Variants in CDH13 observed in about 807,000 individuals in gnomAD.
The protein encoded by CDH13 is cadherin 13, also known as cadherin-13.
Under a neutral mutation model 63.8 loss-of-function variants are expected in CDH13, and 24 were observed. The observed-to-expected ratio is 0.38, with a 90% CI of 0.27 to 0.53. The LOEUF (loss-of-function observed/expected upper bound fraction) is 0.53, where lower values mean the gene tolerates loss of function less well. CDH13 is among the 20% of genes least tolerant of loss of function. CDH13 has a pLI of 0.85. For missense variants in CDH13, 1,049 were observed against 903.1 expected (o/e 1.16, Z -2.07); for synonymous variants, 503 against 355.3 (o/e 1.42, Z -4.67).
At chr16:83,305,633 C>T (rs993180659) in intron 5 of CDH13, among the ~76,000 whole-genome samples, 3 of 152,156 alleles carry the variant, frequency 2.0e-5, no homozygotes, top group African/African-American at 7.2e-5. Flanking sequence ...GGAATACAGG[C>T]GACATGGCAT....
chr16:83,063,613 G>A (rs1211308383), intron 3 of CDH13, among the ~76,000 whole-genome samples: 1 of 152,168 alleles, frequency 6.6e-6, no homozygotes, highest in African/African-American at 2.4e-5. Flanking sequence ...TAGGGTGTCT[G>A]GATTAGGGAG....
intron 5 of CDH13, among the ~76,000 whole-genome samples, chr16:83,290,090 T>C (rs2089429324): frequency 6.6e-6 from 1 of 152,202 alleles, no homozygotes; most frequent in South Asian, 2.1e-4. Flanking sequence ...TACTCTTTTC[T>C]GTCACCTTCT....
At chr16:83,070,694 T>C (rs4783320) in intron 3 of CDH13, among the ~76,000 whole-genome samples, 54,315 of 151,934 alleles carry the variant, frequency 0.36, 10,408 homozygotes, top group East Asian at 0.49. Context: ...TTCAATTACA[T>C]TGAAGGGAAT....
intron 6 of CDH13, among the ~76,000 whole-genome samples, chr16:83,363,798 C>T (rs747959887): frequency 2.8e-4 from 42 of 152,040 alleles, no homozygotes; most frequent in Non-Finnish European, 4.7e-4. Flanking sequence ...GCTGAGTGGG[C>T]GTGCTCCTCC....
intron 2 of CDH13, among the ~76,000 whole-genome samples, chr16:82,876,616 G>T (rs908135756): frequency 6.6e-6 from 1 of 152,254 alleles, no homozygotes; most frequent in East Asian, 1.9e-4. Context: ...GTTGGGCATT[G>T]GTCTGTGGAC....
At chr16:82,967,485 T>C (rs1321546567) in intron 2 of CDH13, among the ~76,000 whole-genome samples, 3 of 152,228 alleles carry the variant, frequency 2.0e-5, no homozygotes, top group South Asian at 2.1e-4. Context: ...AAGCAGTCCC[T>C]AAAGCTAAGT....
rs796598910 is a variant in CDH13 at position 83,250,644 on chromosome 16, G to C, written c.636+33147G>C. Among the ~76,000 whole-genome samples, 9 of 152,306 alleles carry C rather than the reference G, an allele frequency of 5.9e-5. No homozygotes were observed. The East Asian group carries it at 1.4e-3, about 23-fold the overall frequency. ...GTAATCAAGAAATAGAGAGTTGGTC[G>C]TGGTGGTAGAAGTGAAATAAGGGAG... On this transcript the variant is annotated intron_variant, in intron 5 of 13. Transcript: ENST00000567109.
chr16:82,706,464 G>A (rs932250028), intron 1 of CDH13, among the ~76,000 whole-genome samples: 3 of 152,138 alleles, frequency 2.0e-5, no homozygotes, highest in Non-Finnish European at 4.4e-5. Flanking sequence ...GGAGCTGCTA[G>A]GTGGTTGGCC....
chr16:82,731,788 A>T (rs1336044073), intron 1 of CDH13, among the ~76,000 whole-genome samples: 1 of 152,370 alleles, frequency 6.6e-6, no homozygotes, highest in African/African-American at 2.4e-5. Context: ...TTTGTAAATT[A>T]TGTGTTACTT....
chr16:82,627,380 G>GTGTA lies in CDH13; in HGVS notation c.45+244_45+245insGTAT, dbSNP rs1468653196. On this transcript the variant is annotated intron_variant, in intron 1 of 13. Coordinates refer to ENST00000567109, the MANE Select transcript of CDH13 (RefSeq NM_001257.5). The stretch of plus-strand genomic sequence containing the variant: ...TGTGTGTGTGTGTGTGTGTGTGTGT[G>GTGTA]TACGTTCGTTAACGGGAGGAGGAGA... Among the ~76,000 whole-genome samples, 24 of 142,516 alleles carry GTGTA rather than the reference G, an allele frequency of 1.7e-4. No individual in the cohort carries two copies. In the East Asian group the frequency reaches 5.3e-3, roughly 31 times the overall value. The allele number at this position is 142,516 out of a possible 152,430, so 93.5% of individuals were successfully genotyped here.
At chr16:83,207,577 C>A (rs2039219607) in intron 4 of CDH13, among the ~76,000 whole-genome samples, 1 of 152,082 alleles carries the variant, frequency 6.6e-6, no homozygotes, top group African/African-American at 2.4e-5. Context: ...TGTGAGAAAT[C>A]CTACAGAATG....
chr16:83,706,454 A>G (rs773574652), intron 10 of CDH13, among the ~76,000 whole-genome samples: 22 of 152,210 alleles, frequency 1.4e-4, no homozygotes, highest in Non-Finnish European at 2.5e-4. Context: ...AAAATGCTAT[A>G]GAGCCAAAGT....
intron 5 of CDH13, among the ~76,000 whole-genome samples, chr16:83,336,970 C>G (rs207476227): frequency 6.6e-6 from 1 of 152,242 alleles, no homozygotes; most frequent in Non-Finnish European, 1.5e-5. Flanking sequence ...CAAATTTTGT[C>G]GGACTAAATT....
chr16:82,771,070 C>T lies in CDH13; in HGVS notation c.46-87292C>T, dbSNP rs568737708. On this transcript the variant is annotated intron_variant, in intron 1 of 13. Coordinates refer to ENST00000567109, the MANE Select transcript of CDH13 (RefSeq NM_001257.5). ...TTAAAAAATTAAGTTGTGACTTTAG[C>T]GTGAATTGAAATTTGTTTGACTATA... Among the ~76,000 whole-genome samples the T allele has an allele frequency of 1.2e-3, 187 of 152,196 alleles. 1 individual carries two copies. Among genetic ancestry groups the T allele is most frequent in the African/African-American group, 4.4e-3 (182 of 41,520 alleles).
At chr16:83,451,373 TCATGAGAACAG>T (rs1423745207) in intron 6 of CDH13, among the ~76,000 whole-genome samples, 1 of 152,138 alleles carries the variant, frequency 6.6e-6, no homozygotes, top group African/African-American at 2.4e-5. Flanking sequence ...TTATTCCCTA[TCATGAGAACAG>T]CATGGAAAAT....
intron 3 of CDH13, among the ~76,000 whole-genome samples, chr16:83,079,245 A>T (rs2033069453): frequency 6.6e-6 from 1 of 152,230 alleles, no homozygotes; most frequent in Non-Finnish European, 1.5e-5. Context: ...TGCACTATAA[A>T]TTTGAATGGC....
At chr16:83,401,166 G>A (rs2091962358) in intron 6 of CDH13, among the ~76,000 whole-genome samples, 1 of 152,014 alleles carries the variant, frequency 6.6e-6, no homozygotes. Context: ...TATGGCCAAA[G>A]CCCGTCTCTA....
At chr16:82,902,495 G>A (rs1429244592) in intron 2 of CDH13, among the ~76,000 whole-genome samples, 1 of 151,862 alleles carries the variant, frequency 6.6e-6, no homozygotes, top group Admixed American at 6.6e-5. Context: ...CAGTGCCACA[G>A]CTCAGCACAC....
chr16:83,477,174 G>A (rs1045583491), intron 6 of CDH13, among the ~76,000 whole-genome samples: 3 of 152,198 alleles, frequency 2.0e-5, no homozygotes, highest in Non-Finnish European at 2.9e-5. Flanking sequence ...TAATCACAAG[G>A]TGGTCCTGTT....
Sources: allele counts gnomAD v4.1 joint callset (sites outside exome capture counted in the v4.1 genomes callset), GRCh38; gene constraint gnomAD v4.1.1; transcripts MANE v1.5; gene names NCBI Gene and HGNC (gene_info 2026-07-23, HGNC 2026-07-21).